The following LZTFL1 variants were observed in gnomAD, a reference collection of about 807,000 sequenced individuals.
The protein encoded by LZTFL1 is leucine zipper transcription factor-like protein 1.
In LZTFL1, 25 loss-of-function variants were observed where a neutral mutation model predicts 45.9. The ratio of observed to expected loss-of-function variants is 0.54; its 90% confidence interval spans 0.40 to 0.76. The LOEUF (loss-of-function observed/expected upper bound fraction) is 0.76, where lower values mean the gene tolerates loss of function less well. LZTFL1 is among the 30% of genes least tolerant of loss of function. The pLI is 0.00. For missense variants in LZTFL1, 277 were observed against 331.1 expected (o/e 0.84, Z 1.27); for synonymous variants, 93 against 117.4 (o/e 0.79, Z 1.35).
chr3:45,897,747 C>A, intron 2 of LZTFL1: 1 of 637,990 alleles, frequency 1.6e-6, no homozygotes, highest in Non-Finnish European at 2.6e-6. Context: ...GCCCTCTTTC[C>A]TCCCTTGCCT....
intron 9 of LZTFL1, among the ~76,000 whole-genome samples, chr3:45,826,758 C>A (rs1291185809): frequency 6.6e-6 from 1 of 152,198 alleles, no homozygotes; most frequent in Non-Finnish European, 1.5e-5. Flanking sequence ...CATCTGATGA[C>A]CACATCTGGA....
chr3:45,874,655 T>C (rs1257315335), intron 2 of LZTFL1, among the ~76,000 whole-genome samples: 4 of 152,224 alleles, frequency 2.6e-5, no homozygotes, highest in African/African-American at 4.8e-5. Context: ...AGTCTCCCTG[T>C]ATCCATACCC....
chr3:45,900,741 G>T lies in LZTFL1; in HGVS notation c.-215+12379C>A. The T allele has an allele frequency of 1.3e-6, 2 of 1,512,438 alleles. No homozygotes were observed. Among genetic ancestry groups the T allele is most frequent in the Non-Finnish European group, 1.8e-6 (2 of 1,119,580 alleles). 93.7% of individuals were successfully genotyped at this position (1,512,438 alleles called of 1,614,324 possible). On this transcript the variant is annotated intron_variant, in intron 2 of 4. Coordinates refer to the LZTFL1 transcript ENST00000472635. The surrounding 1 kb of genome is among the most constrained non-coding windows in gnomAD (Gnocchi z 4.7). ...GGGTTGGAAGGGTCAAGAGGTCCATGCCTCTGCCATCAGACAGGACCTTCA... is the reference window on the plus strand; with the variant it reads ...GGGTTGGAAGGGTCAAGAGGTCCATTCCTCTGCCATCAGACAGGACCTTCA...
Position 45,827,538 on chromosome 3 carries a change from T to G in LZTFL1, c.778-79A>C, listed in dbSNP as rs543354529. ...TAACAAATGCGATAAAAATATGTAG[T>G]TTTTTTTGCTTGAATTTTACTAGTA... On this transcript the variant is annotated intron_variant, in intron 8 of 9. Transcript: ENST00000296135. 38 of 854,896 alleles carry G rather than the reference T, an allele frequency of 4.4e-5. No individual in the cohort carries two copies. The African/African-American group carries it at 6.3e-4, about 14-fold the overall frequency. 53.0% of individuals were successfully genotyped at this position (854,896 alleles called of 1,614,324 possible).
chr3:45,833,863 G>C (rs914969675), intron 4 of LZTFL1, among the ~76,000 whole-genome samples: 1 of 152,286 alleles, frequency 6.6e-6, no homozygotes, highest in African/African-American at 2.4e-5. Flanking sequence ...GTAAAATGAA[G>C]CTCAGCTACC....
At chr3:45,829,970 G>A (rs925666692) in intron 7 of LZTFL1, among the ~76,000 whole-genome samples, 3 of 152,142 alleles carry the variant, frequency 2.0e-5, no homozygotes, top group Non-Finnish European at 2.9e-5. Context: ...ATGGTTCAAC[G>A]TCTGAGATTT....
At chr3:45,863,549 G>T (rs1701527975) in intron 2 of LZTFL1, among the ~76,000 whole-genome samples, 1 of 152,130 alleles carries the variant, frequency 6.6e-6, no homozygotes, top group Non-Finnish European at 1.5e-5. Context: ...AGGAATAGTG[G>T]GACAACCAGT....
rs1700690388 is a variant in LZTFL1, at chr3:45,827,190, G to C, written c.881+166C>G. On this transcript the variant is annotated intron_variant, in intron 9 of 9. Transcript: ENST00000296135. The stretch of plus-strand genomic sequence containing the variant: ...AAAAGAAGCCCTGGTGGGCATTATA[G>C]ATAAGGTCAGGCCAGAGCTCCTCCA... 7 of 607,908 alleles carry C rather than the reference G, an allele frequency of 1.2e-5. 1 individual carries two copies. In the South Asian group the frequency reaches 1.4e-4, roughly 12 times the overall value. The allele number at this position is 607,908 out of a possible 1,614,324, so 37.7% of individuals were successfully genotyped here. A position where few individuals can be genotyped will look rare whatever the true frequency, so the allele number is the denominator to read the frequency against.
chr3:45,894,020 G>T (rs928786927), intron 2 of LZTFL1, among the ~76,000 whole-genome samples: 15 of 152,172 alleles, frequency 9.9e-5, no homozygotes, highest in Non-Finnish European at 1.9e-4. Flanking sequence ...GAACCTTGGG[G>T]TGTGATGCTG....
chr3:45,834,341 G>A, intron 3 of LZTFL1, 43 bp from the exon 4 acceptor site: 1 of 1,283,888 alleles, frequency 7.8e-7, no homozygotes. Context: ...ATTTAAAATA[G>A]ATTTATATCA....
intron 2 of LZTFL1, chr3:45,897,452 G>T: frequency 1.4e-6 from 1 of 732,058 alleles, no homozygotes; most frequent in Non-Finnish European, 2.4e-6. Context: ...TCCTTGTCTG[G>T]GATTCAGTCT....
intron 8 of LZTFL1, 128 bp from the exon 9 acceptor site, chr3:45,827,587 C>T (rs373460864): frequency 8.0e-6 from 5 of 623,242 alleles, no homozygotes; most frequent in East Asian, 5.5e-5. Context: ...TTTCTAATTT[C>T]CTTAAAGGAC....
intron 3 of LZTFL1, chr3:45,858,867 C>G (rs1213138884): frequency 6.6e-6 from 1 of 152,118 alleles, no homozygotes. Flanking sequence ...AGATGTTTGC[C>G]ACAGAAATCG....
At chr3:45,913,804 C>T (rs993309794) in intron 1 of LZTFL1, among the ~76,000 whole-genome samples, 1 of 152,156 alleles carries the variant, frequency 6.6e-6, no homozygotes, top group African/African-American at 2.4e-5. Context: ...CAACGCATAC[C>T]CCCTGGATAC....
rs778220413 is a variant in LZTFL1, at chr3:45,826,329, A to G, written c.885T>C (p.Tyr295=). 19 of 1,611,244 alleles carry G rather than the reference A, an allele frequency of 1.2e-5. No individual in the cohort carries two copies. Among genetic ancestry groups the G allele is most frequent in the Non-Finnish European group, 1.5e-5 (18 of 1,177,734 alleles). The part of the protein sequence containing the change: ...IKDLRKRLAQ[Y]EPED Reference sequence around the variant, plus strand: ...ATCTTCAGTTTTAATCTTCAGGTTCATATCTGGAGATATAAATTAAGAACA... The same window carrying G: ...ATCTTCAGTTTTAATCTTCAGGTTCGTATCTGGAGATATAAATTAAGAACA... Residue 295 remains tyrosine (Y), a synonymous_variant, in exon 10 of 10, where the codon TAT becomes TAC. Transcript: ENST00000296135.
Position 45,831,033 on chromosome 3 carries a change from T to C in LZTFL1, c.522+40A>G, listed in dbSNP as rs772343069. The C allele has an allele frequency of 2.5e-6, 4 of 1,602,572 alleles. No homozygotes were observed. In the African/African-American group the frequency reaches 4.0e-5, roughly 16 times the overall value. The stretch of plus-strand genomic sequence containing the variant: ...CAAAACACTTTCAGTATTTAATCTG[T>C]AGGCAGTTCAATAATTGTGTCAAAA... On this transcript the variant is annotated intron_variant, in intron 6 of 9. Coordinates refer to ENST00000296135, the MANE Select transcript of LZTFL1 (RefSeq NM_020347.4).
intron 2 of LZTFL1, among the ~76,000 whole-genome samples, chr3:45,890,352 T>TATATATATATAAC (rs1559421680): frequency 0.09 from 1,451 of 16,152 alleles, 279 homozygotes; most frequent in Middle Eastern, 0.23. Context: ...ATATATAACA[T>TATATATATATAAC]ATATATATAT....
At chr3:45,913,126 C>T in exon 2 of LZTFL1, 1 of 1,536,022 alleles carries the variant, frequency 6.5e-7, no homozygotes, top group Non-Finnish European at 8.7e-7. Flanking sequence ...TTACCATCTT[C>T]CCTGGGTCTT....
chr3:45,915,126 GC>G (rs1460536053), intron 1 of LZTFL1, among the ~76,000 whole-genome samples: 1 of 152,124 alleles, frequency 6.6e-6, no homozygotes, highest in Non-Finnish European at 1.5e-5. Flanking sequence ...AATGGTCCAG[GC>G]TTCCTTACAT....
Sources: gnomAD v4.1 joint callset for allele counts (sites outside exome capture counted in the v4.1 genomes callset) on GRCh38, gnomAD v4.1.1 for gene constraint, Gnocchi (gnomAD v3.1) non-coding constraint, MANE v1.5 for transcripts, NCBI Gene and HGNC (gene_info 2026-07-23, HGNC 2026-07-21) for gene names.